AP2A1: variants seen among roughly 807,000 people sequenced by gnomAD.
AP2A1 encodes adaptor related protein complex 2 subunit alpha 1.
A neutral mutation model predicts 107.3 loss-of-function variants in AP2A1; 21 were observed. The ratio of observed to expected loss-of-function variants is 0.20; its 90% confidence interval spans 0.14 to 0.28. The LOEUF is 0.28. AP2A1 is among the 10% of genes least tolerant of loss of function. The pLI is 1.00. For synonymous variants in AP2A1, 602 were observed against 564.8 expected (o/e 1.07, Z -0.93); for missense variants, 873 against 1,307.7 (o/e 0.67, Z 5.13).
intron 9 of AP2A1, 23 bp from the exon 10 acceptor site, chr19:49,799,606 T>C: frequency 6.2e-7 from 1 of 1,605,584 alleles, no homozygotes; most frequent in Non-Finnish European, 8.5e-7. Flanking sequence ...AAAACACACC[T>C]GGGCTCTGCT....
At chr19:49,782,412 G>A (rs1192789921) in intron 3 of AP2A1, 119 bp from the exon 4 acceptor site, 1 of 1,143,876 alleles carries the variant, frequency 8.7e-7, no homozygotes, top group Admixed American at 2.7e-5. Flanking sequence ...GAGGGGCCTG[G>A]GGGCCTGGAC....
At position 49,805,947 on chromosome 19, in the gene AP2A1, A is replaced by G. The variant is rs1304093317; in HGVS notation, c.2655+6A>G. On this transcript the variant is annotated splice_donor_region_variant and intron_variant, in intron 21 of 22. Coordinates refer to ENST00000354293, the MANE Select transcript of AP2A1 (RefSeq NM_130787.3). ...CAGAAGTTACTAAGGCCAAGGTGAG[A>G]GACCGCGGGCGTGTTTGCCGGCCTA... The G allele has an allele frequency of 3.7e-6, 6 of 1,613,650 alleles. No individual in the cohort carries two copies. The highest frequency in any genetic ancestry group is 3.3e-5 in the Admixed American group (2 of 60,008).
chr19:49,802,838 T>C, intron 15 of AP2A1, 111 bp from the exon 16 acceptor site: 1 of 1,288,054 alleles, frequency 7.8e-7, no homozygotes, highest in Admixed American at 2.0e-5. Flanking sequence ...GGGGTCTGGA[T>C]ATGTGGTTCT....
At chr19:49,789,316 A>G (rs1202223577) in intron 4 of AP2A1, among the ~76,000 whole-genome samples, 1 of 151,654 alleles carries the variant, frequency 6.6e-6, no homozygotes, top group African/African-American at 2.4e-5. Context: ...TTTGAGACGG[A>G]GTCTCACTCT....
chr19:49,777,393 T>G (rs1048185268), intron 1 of AP2A1, among the ~76,000 whole-genome samples: 2 of 151,814 alleles, frequency 1.3e-5, no homozygotes, highest in African/African-American at 4.8e-5. Flanking sequence ...CATAGCACTT[T>G]GGGAGGCTGA....
intron 1 of AP2A1, among the ~76,000 whole-genome samples, chr19:49,773,191 C>T (rs1000915479): frequency 6.6e-6 from 1 of 152,082 alleles, no homozygotes; most frequent in Admixed American, 6.6e-5. Context: ...AGCCCGAGGG[C>T]GTGTTCTGTC....
intron 21 of AP2A1, 52 bp downstream of exon 21, chr19:49,805,993 G>C (rs773495058): frequency 6.2e-7 from 1 of 1,613,184 alleles, no homozygotes; most frequent in Non-Finnish European, 8.5e-7. Context: ...GCTTCTCTGA[G>C]CCTCTGTTTT....
intron 6 of AP2A1, 48 bp from the exon 7 acceptor site, chr19:49,795,582 G>T: frequency 2.9e-6 from 2 of 692,048 alleles, no homozygotes; most frequent in Non-Finnish European, 5.3e-6. Context: ...GGACCCACGT[G>T]CCCCTCCCAC....
At chr19:49,803,810 T>TAAC (rs1326653870) in intron 18 of AP2A1, 4 of 219,658 alleles carry the variant, frequency 1.8e-5, no homozygotes, top group African/African-American at 9.1e-5. Flanking sequence ...TAGACCCTCC[T>TAAC]CTTCCTCATA....
Position 49,801,807 on chromosome 19 carries a change from C to T in AP2A1, c.1871C>T (p.Ala624Val). 5 of 1,551,500 alleles carry T rather than the reference C, an allele frequency of 3.2e-6. No homozygotes were observed. The highest frequency in any genetic ancestry group is 4.3e-6 in the Non-Finnish European group (5 of 1,152,708). ...CTGAAACGCAAGAAGGGGCCAGGGG[C>T]CGGCAGCGCCCTGGACGATGGCCGG... ...AKLKRKKGPG[A>V]GSALDDGRRD... is the part of the protein sequence containing the mutation. The change falls in exon 14 of 23, where the codon GCC becomes GTC. Residue 624 changes from alanine to valine, a missense_variant. Transcript: ENST00000354293.
intron 4 of AP2A1, among the ~76,000 whole-genome samples, chr19:49,790,154 C>T (rs192256436): frequency 8.1e-4 from 123 of 152,290 alleles, no homozygotes; most frequent in African/African-American, 2.3e-3. Flanking sequence ...TCGTCCCTTC[C>T]GGGGGCCCTA....
Position 49,782,103 on chromosome 19 carries a change from G to A in AP2A1, c.279+14G>A, listed in dbSNP as rs920971291. 21 of 1,548,392 alleles carry A rather than the reference G, an allele frequency of 1.4e-5. No individual in the cohort carries two copies. In the African/African-American group the frequency reaches 2.8e-4, roughly 20 times the overall value. On this transcript the variant is annotated intron_variant, in intron 3 of 22. Transcript: ENST00000354293. ...GAGAAGCAAATAGTGAGTCTGGAGA[G>A]GGGGGTGCCAGGGCCTGGACTCCTG...
chr19:49,799,876 C>T, intron 10 of AP2A1, 92 bp from the exon 11 acceptor site: 1 of 1,565,318 alleles, frequency 6.4e-7, no homozygotes, highest in Non-Finnish European at 8.7e-7. Flanking sequence ...ACTCCTGGGT[C>T]TCCAGATGGG....
At chr19:49,795,602 C>CCCAAA in intron 6 of AP2A1, 28 bp from the exon 7 acceptor site, 17 of 1,236,786 alleles carry the variant, frequency 1.4e-5, no homozygotes, top group Non-Finnish European at 1.7e-5. Flanking sequence ...CCCCAGCCCC[C>CCCAAA]AACTTATTTC....
At position 49,800,955 on chromosome 19, in the gene AP2A1, A is replaced by G; in HGVS notation, c.1456-6A>G. ...TCCTCTCCACGCCCTTCCCCACCCC[A>G]CTCAGGCGCTCCAGGCCCCTGCCTG... On this transcript the variant is annotated splice_polypyrimidine_tract_variant and splice_region_variant and intron_variant, in intron 11 of 22. Transcript: ENST00000354293. 1 of 1,584,440 alleles carries G rather than the reference A, an allele frequency of 6.3e-7. No homozygotes were observed. Among genetic ancestry groups the G allele is most frequent in the Non-Finnish European group, 8.6e-7 (1 of 1,165,734 alleles).
intron 1 of AP2A1, among the ~76,000 whole-genome samples, chr19:49,774,807 C>T (rs978575329): frequency 4.0e-5 from 6 of 151,760 alleles, no homozygotes; most frequent in Non-Finnish European, 7.4e-5. Context: ...TAGTCCTAGC[C>T]ACTCGGGAGG....
At chr19:49,776,559 T>C (rs1046319989) in intron 1 of AP2A1, among the ~76,000 whole-genome samples, 16 of 152,292 alleles carry the variant, frequency 1.1e-4, no homozygotes, top group East Asian at 3.9e-4. Flanking sequence ...AGAAATCCCA[T>C]TGTGAATGAG....
At chr19:49,803,556 G>C in intron 18 of AP2A1, 180 bp downstream of exon 18, 2 of 628,880 alleles carry the variant, frequency 3.2e-6, no homozygotes, top group Middle Eastern at 8.4e-4. Context: ...CCCAGGACAG[G>C]GGATGACAGT....
chr19:49,800,550 C>T (rs972312157), intron 11 of AP2A1: 9 of 261,652 alleles, frequency 3.4e-5, no homozygotes, highest in Non-Finnish European at 5.9e-5. Flanking sequence ...CTCACTGCAA[C>T]CTCGGCCTCC....
Sources: gnomAD v4.1 joint callset for allele counts (sites outside exome capture counted in the v4.1 genomes callset) on GRCh38, gnomAD v4.1.1 for gene constraint, MANE v1.5 for transcripts, NCBI Gene and HGNC (gene_info 2026-07-23, HGNC 2026-07-21) for gene names.